Variants in AKAP6 observed in about 807,000 individuals in gnomAD.
AKAP6 encodes A-kinase anchor protein 6.
In AKAP6, 58 loss-of-function variants were observed where a neutral mutation model predicts 188.5. The ratio of observed to expected loss-of-function variants is 0.31; its 90% CI spans 0.25 to 0.38. The LOEUF is 0.38. Ranked by LOEUF, AKAP6 falls within the 10% of genes least tolerant of loss-of-function variation. The pLI, the probability that AKAP6 is intolerant of heterozygous loss-of-function variation, is 1.00. For missense variants in AKAP6, 2,710 were observed against 2,740.0 expected (o/e 0.99, Z 0.24); for synonymous variants, 989 against 998.6 (o/e 0.99, Z 0.18).
chr14:32,756,542 T>G (rs924953585), intron 11 of AKAP6, among the ~76,000 whole-genome samples: 1 of 151,806 alleles, frequency 6.6e-6, no homozygotes, highest in Non-Finnish European at 1.5e-5. Flanking sequence ...ACCTCTATCA[T>G]TGGCTTCAGC....
At chr14:32,443,402 CA>C (rs371714394) in intron 2 of AKAP6, among the ~76,000 whole-genome samples, 22,017 of 98,992 alleles carry the variant, frequency 0.22, 2,654 homozygotes, top group African/African-American at 0.51. Flanking sequence ...CAAAACAAAA[CA>C]AAACAAAAAA....
intron 7 of AKAP6, among the ~76,000 whole-genome samples, chr14:32,620,512 A>C (rs1886773506): frequency 1.3e-5 from 2 of 152,040 alleles, no homozygotes; most frequent in Non-Finnish European, 2.9e-5. Context: ...TCAGGATGAA[A>C]CCCACTTGAT....
At chr14:32,820,953 A>G (rs1179523453) in intron 12 of AKAP6, among the ~76,000 whole-genome samples, 1 of 151,512 alleles carries the variant, frequency 6.6e-6, no homozygotes, top group Non-Finnish European at 1.5e-5. Flanking sequence ...TAGAGGCAAG[A>G]AGGAGTTTGC....
At chr14:32,505,916 GC>G (rs924506651) in intron 2 of AKAP6, among the ~76,000 whole-genome samples, 29 of 151,978 alleles carry the variant, frequency 1.9e-4, no homozygotes, top group African/African-American at 6.5e-4. Flanking sequence ...TAAAAAACAG[GC>G]AAAAATTATT....
intron 7 of AKAP6, among the ~76,000 whole-genome samples, chr14:32,604,891 T>C (rs564687132): frequency 6.6e-6 from 1 of 152,180 alleles, no homozygotes; most frequent in Non-Finnish European, 1.5e-5. Flanking sequence ...ACATGTGCCA[T>C]AGTGATTTGC....
intron 1 of AKAP6, among the ~76,000 whole-genome samples, chr14:32,381,428 A>C (rs184481573): frequency 2.0e-5 from 3 of 152,350 alleles, no homozygotes; most frequent in African/African-American, 4.8e-5. Flanking sequence ...TTCTAGTTTC[A>C]GTGAAGTTTC....
intron 1 of AKAP6, among the ~76,000 whole-genome samples, chr14:32,376,979 G>A (rs1888178128): frequency 6.6e-6 from 1 of 152,200 alleles, no homozygotes; most frequent in Non-Finnish European, 1.5e-5. Context: ...ACAGGCATGA[G>A]CCACCGCGCC....
chr14:32,576,412 A>G (rs999903032), intron 4 of AKAP6, among the ~76,000 whole-genome samples: 1 of 152,158 alleles, frequency 6.6e-6, no homozygotes, highest in Admixed American at 6.5e-5. Context: ...AATGGCCAAT[A>G]AAATTTTATA....
At position 32,345,933 on chromosome 14, in the gene AKAP6, T is replaced by C. The variant is rs1887050766; in HGVS notation, c.-35+16525T>C. Among the ~76,000 whole-genome samples the C allele has an allele frequency of 2.0e-5, 3 of 152,334 alleles. No homozygotes were observed. The South Asian group carries it at 6.2e-4, about 32-fold the overall frequency. On this transcript the variant is annotated intron_variant, in intron 1 of 13. Transcript: ENST00000280979. Reference sequence around the variant, plus strand: ...TTTCCAAACTGTTTTGATTGACATATTTATCTGTTAAAAAATGTCTGAGCT... The same window carrying C: ...TTTCCAAACTGTTTTGATTGACATACTTATCTGTTAAAAAATGTCTGAGCT...
chr14:32,429,365 A>G (rs1890141565), intron 1 of AKAP6, among the ~76,000 whole-genome samples: 1 of 152,236 alleles, frequency 6.6e-6, no homozygotes, highest in Non-Finnish European at 1.5e-5. Flanking sequence ...AAGAAACTTG[A>G]ATAGTCCTGA....
intron 6 of AKAP6, 52 bp downstream of exon 6, chr14:32,599,558 T>G: frequency 7.1e-7 from 1 of 1,411,042 alleles, no homozygotes; most frequent in South Asian, 1.2e-5. Context: ...CTATTAAGAA[T>G]GAAGAAGCAT....
intron 1 of AKAP6, among the ~76,000 whole-genome samples, chr14:32,355,894 C>T (rs1887467017): frequency 6.6e-6 from 1 of 152,094 alleles, no homozygotes; most frequent in South Asian, 2.1e-4. Flanking sequence ...CCCACCTCAA[C>T]CTCCCAAGTA....
intron 2 of AKAP6, among the ~76,000 whole-genome samples, chr14:32,439,461 G>A (rs1890496092): frequency 6.6e-6 from 1 of 152,214 alleles, no homozygotes. Context: ...CACCAGGGCA[G>A]TGTGGATAAC....
At chr14:32,556,674 T>A (rs1883702470) in intron 4 of AKAP6, among the ~76,000 whole-genome samples, 1 of 152,208 alleles carries the variant, frequency 6.6e-6, no homozygotes, top group African/African-American at 2.4e-5. Context: ...ATTATATGTA[T>A]GATTTGCAAA....
At chr14:32,421,367 A>G (rs947069757) in intron 1 of AKAP6, among the ~76,000 whole-genome samples, 3 of 151,802 alleles carry the variant, frequency 2.0e-5, no homozygotes, top group East Asian at 1.9e-4. Flanking sequence ...ATATCTATTT[A>G]CCTTTTTACT....
intron 12 of AKAP6, among the ~76,000 whole-genome samples, chr14:32,786,494 T>A (rs138867312): frequency 6.7e-6 from 1 of 149,176 alleles, no homozygotes; most frequent in East Asian, 2.0e-4. Context: ...TTTATTTTAT[T>A]TTTTTATTTT....
chr14:32,794,606 CA>C (rs1183337682), intron 12 of AKAP6, among the ~76,000 whole-genome samples: 1 of 152,036 alleles, frequency 6.6e-6, no homozygotes, highest in African/African-American at 2.4e-5. Flanking sequence ...CTAATGAGAA[CA>C]AAGTGACAAC....
chr14:32,429,934 C>T (rs1890158697), intron 1 of AKAP6, among the ~76,000 whole-genome samples: 1 of 152,146 alleles, frequency 6.6e-6, no homozygotes, highest in Non-Finnish European at 1.5e-5. Flanking sequence ...GGTTTGTCTT[C>T]TACATATATA....
In AKAP6 at chr14:32,418,920, C is replaced by T. The variant is rs970512887; in HGVS notation, c.-34-14540C>T. ...ACTGTCTAGTTTCCACTAGAAAATA[C>T]GCATTTTATGTAACAAATTATTTAT... is the stretch of plus-strand genomic sequence containing the variant. On this transcript the variant is annotated intron_variant, in intron 1 of 13. Transcript: ENST00000280979. Among the ~76,000 whole-genome samples, 21 of 152,144 alleles carry T rather than the reference C, an allele frequency of 1.4e-4. 1 individual carries two copies. Among genetic ancestry groups the T allele is most frequent in the South Asian group, 6.2e-4 (3 of 4,822 alleles).
Sources: gnomAD v4.1 joint callset for allele counts (sites outside exome capture counted in the v4.1 genomes callset) on GRCh38, gnomAD v4.1.1 for gene constraint, MANE v1.5 for transcripts, NCBI Gene and HGNC (gene_info 2026-07-23, HGNC 2026-07-21) for gene names.